The following NDUFA10 variants were observed in gnomAD, a reference collection of about 807,000 sequenced individuals.
NDUFA10 encodes NADH dehydrogenase [ubiquinone] 1 alpha subcomplex subunit 10, mitochondrial.
NDUFA10 carries 40 observed loss-of-function variants against 47.8 expected under a neutral mutation model. The ratio of observed to expected loss-of-function variants is 0.84; its 90% CI spans 0.65 to 1.09. NDUFA10 has a LOEUF of 1.09. Ranked by LOEUF, NDUFA10 falls within the 50% of genes least tolerant of loss-of-function variation. NDUFA10 has a pLI of 0.00. For synonymous variants in NDUFA10, 183 were observed against 172.2 expected, an observed-to-expected ratio of 1.06 and a Z score of -0.49; for missense variants, 413 against 451.1, an observed-to-expected ratio of 0.92 and a Z score of 0.76.
At chr2:239,948,206 C>T (rs1299441549) in intron 4 of NDUFA10, among the ~76,000 whole-genome samples, 1 of 152,260 alleles carries the variant, frequency 6.6e-6, no homozygotes, top group African/African-American at 2.4e-5. Flanking sequence ...GGGCCCTGCC[C>T]ACACGTCCGT....
intron 4 of NDUFA10, among the ~76,000 whole-genome samples, chr2:239,916,340 G>A (rs1693879761): frequency 6.7e-6 from 1 of 149,146 alleles, no homozygotes; most frequent in South Asian, 2.1e-4. Flanking sequence ...CACATGCACA[G>A]AACACACACA....
intron 4 of NDUFA10, among the ~76,000 whole-genome samples, chr2:239,919,853 G>A (rs1418451407): frequency 2.6e-5 from 4 of 152,216 alleles, no homozygotes; most frequent in African/African-American, 2.4e-5. Flanking sequence ...GGGAAGACAC[G>A]GCCCCTACGG....
intron 4 of NDUFA10, among the ~76,000 whole-genome samples, chr2:239,935,796 T>C (rs557038651): frequency 1.3e-4 from 20 of 152,354 alleles, no homozygotes; most frequent in South Asian, 1.2e-3. Flanking sequence ...CCTGCCGCCA[T>C]GTAAGACATG....
intron 4 of NDUFA10, among the ~76,000 whole-genome samples, chr2:239,901,848 C>T (rs1693556784): frequency 6.6e-6 from 1 of 151,846 alleles, no homozygotes; most frequent in Non-Finnish European, 1.5e-5. Context: ...TTAAGGGGTT[C>T]AAGACTTCAG....
chr2:239,982,944 T>TGGG (rs1695837415), intron 9 of NDUFA10, among the ~76,000 whole-genome samples: 1 of 152,132 alleles, frequency 6.6e-6, no homozygotes. Flanking sequence ...CTCACCAGGG[T>TGGG]GGGGCCTTTT....
At chr2:239,967,779 G>C (rs78810943) in intron 9 of NDUFA10, among the ~76,000 whole-genome samples, 12 of 152,190 alleles carry the variant, frequency 7.9e-5, no homozygotes, top group Admixed American at 3.9e-4. Flanking sequence ...GTGATTCAAC[G>C]TAAGGACTGG....
rs956326103 is a variant in NDUFA10, at chr2:239,988,948, GCA to G, written c.999+1124_999+1125del. The stretch of plus-strand genomic sequence containing the variant: ...GTACAAGGACAGAAAGGGAGAAACA[GCA>G]CACACACACAAGTGTACAAGGACAG... On this transcript the variant is annotated intron_variant, in intron 9 of 9. Transcript: ENST00000252711. 2.8e-5 allele frequency among the ~76,000 whole-genome samples: 4 copies of G among 143,482 alleles called. No individual in the cohort carries two copies. In the Admixed American group the frequency reaches 2.8e-4, roughly 10 times the overall value. 94.1% of individuals were successfully genotyped at this position (143,482 alleles called of 152,430 possible).
chr2:239,976,183 T>C lies in NDUFA10; in HGVS notation c.999+13891A>G, dbSNP rs577047680. 2.8e-3 allele frequency among the ~76,000 whole-genome samples: 424 copies of C among 152,338 alleles called. 4 individuals are homozygous for C. The highest frequency in any genetic ancestry group is 9.7e-3 in the African/African-American group (402 of 41,586). ...AATTCCAGGCTTGGTTACATAACAA[T>C]GTGCAATGCCCTCTGACTCTGCTAT... On this transcript the variant is annotated intron_variant, in intron 9 of 9. Transcript: ENST00000252711.
chr2:239,932,733 C>G (rs965293855), intron 4 of NDUFA10, among the ~76,000 whole-genome samples: 4 of 152,118 alleles, frequency 2.6e-5, no homozygotes, highest in African/African-American at 4.8e-5. Context: ...GCATCCGCCA[C>G]CATACCCGGC....
At chr2:239,969,594 T>A in intron 9 of NDUFA10, 2 of 467,558 alleles carry the variant, frequency 4.3e-6, no homozygotes, top group East Asian at 7.0e-5. Flanking sequence ...CTCATCAGCC[T>A]GGCCAAATCT....
intron 4 of NDUFA10, among the ~76,000 whole-genome samples, chr2:239,903,474 G>A (rs1322170317): frequency 1.3e-5 from 2 of 152,170 alleles, no homozygotes; most frequent in Non-Finnish European, 1.5e-5. Context: ...CCAGGACAGG[G>A]CAGCTCCTGA....
At chr2:239,980,653 T>C (rs572377309) in intron 9 of NDUFA10, among the ~76,000 whole-genome samples, 1 of 152,308 alleles carries the variant, frequency 6.6e-6, no homozygotes, top group African/African-American at 2.4e-5. Flanking sequence ...AGCCCTAATA[T>C]GCAGAAAAGC....
At chr2:240,005,110 A>G in intron 8 of NDUFA10, 100 bp downstream of exon 8, 1 of 1,074,326 alleles carries the variant, frequency 9.3e-7, no homozygotes, top group South Asian at 1.3e-5. Flanking sequence ...TGGTGCTGCT[A>G]ACACCTAACT....
intron 8 of NDUFA10, among the ~76,000 whole-genome samples, chr2:239,994,185 T>C (rs1446574128): frequency 6.6e-6 from 1 of 152,170 alleles, no homozygotes; most frequent in East Asian, 1.9e-4. Flanking sequence ...AGCAGGGTCC[T>C]GTCCCCAGCC....
At chr2:239,908,571 A>C (rs1312596117) in intron 4 of NDUFA10, among the ~76,000 whole-genome samples, 1 of 152,128 alleles carries the variant, frequency 6.6e-6, no homozygotes, top group Non-Finnish European at 1.5e-5. Flanking sequence ...TTGCTTTGTG[A>C]CTTTCACAAA....
intron 4 of NDUFA10, among the ~76,000 whole-genome samples, chr2:239,916,725 A>C (rs1311892783): frequency 3.3e-5 from 5 of 152,204 alleles, no homozygotes; most frequent in Admixed American, 1.3e-4. Flanking sequence ...TTGTGCTGCC[A>C]CCTCTGGGGT....
chr2:239,943,385 A>C (rs1694392942), intron 4 of NDUFA10, among the ~76,000 whole-genome samples: 1 of 152,036 alleles, frequency 6.6e-6, no homozygotes, highest in South Asian at 2.1e-4. Context: ...GGCTGGATGG[A>C]GTGCAGTGGC....
chr2:239,909,213 G>A (rs758565518), intron 4 of NDUFA10, among the ~76,000 whole-genome samples: 5 of 152,262 alleles, frequency 3.3e-5, no homozygotes, highest in Admixed American at 6.5e-5. Context: ...TAATATTCAC[G>A]TGACAGAGAT....
chr2:240,011,103 T>C (rs76379457), intron 6 of NDUFA10, among the ~76,000 whole-genome samples: 5,048 of 152,278 alleles, frequency 0.033, 298 homozygotes, highest in African/African-American at 0.11. Flanking sequence ...ACATTTTCCA[T>C]GTGCTTTCAA....
Sources: gnomAD v4.1 joint callset for allele counts (sites outside exome capture counted in the v4.1 genomes callset) on GRCh38, gnomAD v4.1.1 for gene constraint, MANE v1.5 for transcripts, NCBI Gene and HGNC (gene_info 2026-07-23, HGNC 2026-07-21) for gene names.